The following SLC35F3 variants were observed in gnomAD, a reference collection of about 807,000 sequenced individuals.
SLC35F3 encodes the protein solute carrier family 35 member F3.
Under a neutral mutation model 49.9 loss-of-function variants are expected in SLC35F3, and 25 were observed. The observed-to-expected ratio is 0.50, with a 90% CI of 0.37 to 0.70. The LOEUF is 0.70. Among genes scored for constraint, SLC35F3 ranks in the 30% least tolerant of loss-of-function variants. The probability of loss-of-function intolerance (pLI) is 0.00; values close to 1 mark genes in which losing one functional copy is unlikely to be tolerated. For synonymous variants in SLC35F3, 275 were observed against 265.4 expected (o/e 1.04, Z -0.35); for missense variants, 525 against 639.8 (o/e 0.82, Z 1.94).
chr1:234,257,958 C>G (rs1667847447), intron 3 of SLC35F3, among the ~76,000 whole-genome samples: 1 of 152,160 alleles, frequency 6.6e-6, no homozygotes. Flanking sequence ...GTAGTGCTTA[C>G]AGGAAACCCT....
At chr1:234,280,127 A>G (rs1572132488) in intron 3 of SLC35F3, among the ~76,000 whole-genome samples, 1 of 152,210 alleles carries the variant, frequency 6.6e-6, no homozygotes, top group East Asian at 1.9e-4. Context: ...CCCTTCCCAT[A>G]TAGAACATAT....
chr1:234,084,177 G>A (rs756364171), intron 2 of SLC35F3, among the ~76,000 whole-genome samples: 4 of 151,566 alleles, frequency 2.6e-5, no homozygotes, highest in Non-Finnish European at 5.9e-5. Context: ...ATTCTCATGA[G>A]GCATTTTCTC....
intron 2 of SLC35F3, among the ~76,000 whole-genome samples, chr1:233,912,693 C>T (rs1367024181): frequency 1.3e-5 from 2 of 152,090 alleles, no homozygotes; most frequent in African/African-American, 4.8e-5. Flanking sequence ...GCGTAGACAG[C>T]GTGGATACGC....
At chr1:234,266,873 G>GTTTTTTTTT (rs34040004) in intron 3 of SLC35F3, among the ~76,000 whole-genome samples, 71 of 108,618 alleles carry the variant, frequency 6.5e-4, no homozygotes, top group Non-Finnish European at 7.5e-4. Context: ...GAAGCACATG[G>GTTTTTTTTT]TTTTTTTTTT....
intron 2 of SLC35F3, among the ~76,000 whole-genome samples, chr1:234,034,937 A>G (rs1360979368): frequency 2.6e-5 from 4 of 152,054 alleles, no homozygotes; most frequent in Non-Finnish European, 5.9e-5. Context: ...CATAAATTCA[A>G]CTCCAAACTC....
intron 2 of SLC35F3, among the ~76,000 whole-genome samples, chr1:234,044,028 G>C (rs1664257841): frequency 6.6e-6 from 1 of 152,082 alleles, no homozygotes; most frequent in Admixed American, 6.6e-5. Flanking sequence ...TACCAGGTAG[G>C]GCCTAATGGG....
At chr1:234,232,519 CAAA>C (rs536692686) in intron 3 of SLC35F3, among the ~76,000 whole-genome samples, 871 of 72,334 alleles carry the variant, frequency 0.012, 2 homozygotes, top group Middle Eastern at 0.028. Flanking sequence ...CAGGCCTAGT[CAAA>C]AAAAAAAAAA....
At chr1:234,076,986 GGTTTTTTTTTT>G (rs1471496166) in intron 2 of SLC35F3, among the ~76,000 whole-genome samples, 1 of 138,486 alleles carries the variant, frequency 7.2e-6, no homozygotes, top group African/African-American at 2.8e-5. Flanking sequence ...AAAAGAAAGA[GGTTTTTTTTTT>G]GTTTTTTTTT....
intron 2 of SLC35F3, among the ~76,000 whole-genome samples, chr1:233,947,800 G>A (rs558039296): frequency 5.9e-4 from 87 of 148,222 alleles, no homozygotes; most frequent in African/African-American, 1.9e-3. Flanking sequence ...ATGTGTGAAC[G>A]TGTAGCAAGA....
intron 2 of SLC35F3, among the ~76,000 whole-genome samples, chr1:233,983,224 T>A (rs1663214464): frequency 6.6e-6 from 1 of 152,136 alleles, no homozygotes; most frequent in Non-Finnish European, 1.5e-5. Flanking sequence ...TTTCAAATTT[T>A]TTGCCATCAT....
chr1:233,985,752 C>T (rs1333589683), intron 2 of SLC35F3, among the ~76,000 whole-genome samples: 4 of 152,212 alleles, frequency 2.6e-5, no homozygotes, highest in African/African-American at 9.7e-5. Context: ...CTAAAATCAT[C>T]CACAAAAGTA....
At chr1:233,908,038 T>G (rs1205538191) in intron 2 of SLC35F3, among the ~76,000 whole-genome samples, 2 of 152,262 alleles carry the variant, frequency 1.3e-5, no homozygotes, top group Non-Finnish European at 2.9e-5. Flanking sequence ...GAAGAGGTTT[T>G]AAGGCAGAAC....
chr1:234,101,702 G>A (rs1665215838), intron 2 of SLC35F3, among the ~76,000 whole-genome samples: 1 of 152,200 alleles, frequency 6.6e-6, no homozygotes, highest in African/African-American at 2.4e-5. Context: ...GCATGACGGG[G>A]GTTGAAAGCA....
At chr1:234,321,202 C>T (rs1445816399) in intron 7 of SLC35F3, among the ~76,000 whole-genome samples, 1 of 152,186 alleles carries the variant, frequency 6.6e-6, no homozygotes, top group African/African-American at 2.4e-5. Context: ...GCCCAGACTC[C>T]CCCAGAAGGA....
chr1:234,226,952 C>T lies in SLC35F3; in HGVS notation c.284-4465C>T, dbSNP rs537947997. 1.2e-4 allele frequency among the ~76,000 whole-genome samples: 17 copies of T among 139,828 alleles called. No individual in the cohort carries two copies. The East Asian group carries it at 2.1e-3, about 17-fold the overall frequency. 91.7% of individuals were successfully genotyped at this position (139,828 alleles called of 152,430 possible). On this transcript the variant is annotated intron_variant, in intron 2 of 7. Transcript: ENST00000366618. Reference sequence around the variant, plus strand: ...AACACTCCCCCTGCACTGGCGTGCGCGCACGCGTGCACACACACACACACA... The same window carrying T: ...AACACTCCCCCTGCACTGGCGTGCGTGCACGCGTGCACACACACACACACA...
intron 2 of SLC35F3, among the ~76,000 whole-genome samples, chr1:233,953,030 C>T (rs1461697003): frequency 1.3e-5 from 2 of 152,058 alleles, no homozygotes; most frequent in East Asian, 1.9e-4. Context: ...CATTACAAAC[C>T]TTTGAATAGT....
chr1:234,102,300 C>T (rs1665225422), intron 2 of SLC35F3, among the ~76,000 whole-genome samples: 1 of 152,128 alleles, frequency 6.6e-6, no homozygotes, highest in Admixed American at 6.5e-5. Flanking sequence ...TGGATTCAGA[C>T]CCGGATCAGG....
intron 2 of SLC35F3, among the ~76,000 whole-genome samples, chr1:234,045,007 C>T (rs911934502): frequency 6.6e-6 from 1 of 152,182 alleles, no homozygotes. Flanking sequence ...AAAATCTTTA[C>T]TCATGAGGAA....
Position 234,154,748 on chromosome 1 carries a change from A to G in SLC35F3, c.284-76669A>G, listed in dbSNP as rs139805167. 4.4e-3 allele frequency among the ~76,000 whole-genome samples: 664 copies of G among 152,338 alleles called. 8 individuals carry two copies. The highest frequency in any genetic ancestry group is 0.015 in the African/African-American group (637 of 41,574). On this transcript the variant is annotated intron_variant, in intron 2 of 7. Coordinates refer to ENST00000366618, the MANE Select transcript of SLC35F3 (RefSeq NM_173508.4). The stretch of plus-strand genomic sequence containing the variant: ...TAATGTAGGCATGGGATGCCACCAT[A>G]ATCTTTTTAGTAGTTAGTATTTCTA...
Sources: allele counts gnomAD v4.1 joint callset (sites outside exome capture counted in the v4.1 genomes callset), GRCh38; gene constraint gnomAD v4.1.1; transcripts MANE v1.5; gene names NCBI Gene and HGNC (gene_info 2026-07-23, HGNC 2026-07-21).